DKK3: variants seen among roughly 807,000 people sequenced by gnomAD.
DKK3 encodes dickkopf-related protein 3.
In DKK3, 22 loss-of-function variants were observed where a neutral mutation model predicts 33.2. The observed-to-expected ratio is 0.66, with a 90% CI of 0.47 to 0.95. The LOEUF (loss-of-function observed/expected upper bound fraction) is 0.95. Ranked by LOEUF, DKK3 falls within the 40% of genes least tolerant of loss-of-function variation. The pLI, the probability that DKK3 is intolerant of heterozygous loss-of-function variation, is 0.00. For missense variants in DKK3, 398 were observed against 458.4 expected (o/e 0.87, Z 1.20); for synonymous variants, 194 against 188.8 (o/e 1.03, Z -0.23).
intron 4 of DKK3, 88 bp from the exon 5 acceptor site, chr11:11,967,186 C>A: frequency 6.8e-7 from 1 of 1,468,510 alleles, no homozygotes; most frequent in Non-Finnish European, 9.3e-7. Context: ...ACAGATAGGC[C>A]AACCTGCATC....
chr11:11,985,323 C>A (rs895187778), intron 3 of DKK3, among the ~76,000 whole-genome samples: 1 of 152,246 alleles, frequency 6.6e-6, no homozygotes, highest in Non-Finnish European at 1.5e-5. Context: ...AAATGACCCG[C>A]TCCCCCGACA....
intron 5 of DKK3, among the ~76,000 whole-genome samples, chr11:11,966,205 A>C (rs1847590613): frequency 6.6e-6 from 1 of 152,174 alleles, no homozygotes; most frequent in Non-Finnish European, 1.5e-5. Flanking sequence ...CTGGATTTTG[A>C]GGGCCAGAAA....
At chr11:11,999,178 T>C (rs1167817504) in intron 2 of DKK3, among the ~76,000 whole-genome samples, 2 of 152,186 alleles carry the variant, frequency 1.3e-5, no homozygotes, top group East Asian at 3.9e-4. Flanking sequence ...TGAACATCTT[T>C]CATGAAAAGC....
At chr11:12,009,250 G>A, upstream of DKK3, 2 of 984,840 alleles carry the variant, frequency 2.0e-6, no homozygotes, top group Non-Finnish European at 2.4e-6. Flanking sequence ...TGCGGGTGCA[G>A]ATGCGGGAGC....
intron 3 of DKK3, among the ~76,000 whole-genome samples, chr11:11,993,283 A>AT (rs1848223706): frequency 6.6e-6 from 1 of 152,120 alleles, no homozygotes; most frequent in South Asian, 2.1e-4. Flanking sequence ...TCTTACCAGG[A>AT]TTTTTTATGC....
chr11:11,981,374 A>C (rs1847951199), intron 3 of DKK3, among the ~76,000 whole-genome samples: 1 of 152,218 alleles, frequency 6.6e-6, no homozygotes, highest in African/African-American at 2.4e-5. Context: ...CCTGGCTTCA[A>C]GTCAGAGGTC....
chr11:11,964,201 A>T lies in DKK3; in HGVS notation c.*263T>A. On this transcript the variant is annotated 3_prime_UTR_variant, in exon 7 of 7. Coordinates refer to ENST00000683431, the MANE Select transcript of DKK3 (RefSeq NM_001018057.2). ...GCTGTCTGCCAACTGGTAGAGGCAA[A>T]GCAGCCAATAATCTGGACAGGGGTG... 1 of 489,018 alleles carries T rather than the reference A, an allele frequency of 2.0e-6. No homozygotes were observed. Among genetic ancestry groups the T allele is most frequent in the Non-Finnish European group, 3.6e-6 (1 of 274,840 alleles). The allele number at this position is 489,018 out of a possible 1,614,324, so 30.3% of individuals were successfully genotyped here. A position where few individuals can be genotyped will look rare whatever the true frequency, so the allele number is the denominator to read the frequency against.
rs182824873 is a variant in DKK3, at chr11:11,997,457, A to T, written c.435+1239T>A. Among the ~76,000 whole-genome samples the T allele has an allele frequency of 3.1e-3, 465 of 152,204 alleles. 2 individuals are homozygous for T. Among genetic ancestry groups the T allele is most frequent in the Non-Finnish European group, 5.0e-3 (340 of 68,004 alleles). ...TTCTTCTGTCTCTTCCCACCTTTGG[A>T]AGCTGGCCTCTCTTCCATCCCTGCC... is the stretch of plus-strand genomic sequence containing the variant. On this transcript the variant is annotated intron_variant, in intron 3 of 6. Coordinates refer to ENST00000683431, the MANE Select transcript of DKK3 (RefSeq NM_001018057.2).
intron 3 of DKK3, among the ~76,000 whole-genome samples, chr11:11,970,943 A>C (rs1357618634): frequency 6.6e-6 from 1 of 152,234 alleles, no homozygotes; most frequent in East Asian, 1.9e-4. Flanking sequence ...AATTTGTTAC[A>C]GCATCAATAG....
chr11:11,979,308 C>T (rs1338652433), intron 3 of DKK3, among the ~76,000 whole-genome samples: 1 of 152,222 alleles, frequency 6.6e-6, no homozygotes, highest in Non-Finnish European at 1.5e-5. Flanking sequence ...TTCAGCTGCT[C>T]CAAACTCCAG....
At chr11:11,968,594 A>T in intron 3 of DKK3, 107 bp from the exon 4 acceptor site, 1 of 1,078,636 alleles carries the variant, frequency 9.3e-7, no homozygotes, top group South Asian at 1.6e-5. Flanking sequence ...TTGACCCCAC[A>T]GGCTCAGCAG....
At chr11:11,995,874 T>C (rs980687817) in intron 3 of DKK3, among the ~76,000 whole-genome samples, 6 of 152,232 alleles carry the variant, frequency 3.9e-5, no homozygotes, top group Non-Finnish European at 7.3e-5. Context: ...CCTTTTCCCC[T>C]TTCACATTTG....
In DKK3 at chr11:11,993,996, G is replaced by GAAC. The variant is rs749571780; in HGVS notation, c.435+4697_435+4699dup. 2.1e-3 allele frequency among the ~76,000 whole-genome samples: 327 copies of GAAC among 152,218 alleles called. 1 individual carries two copies. Among genetic ancestry groups the GAAC allele is most frequent in the Non-Finnish European group, 3.6e-3 (248 of 68,026 alleles). On this transcript the variant is annotated intron_variant, in intron 3 of 6. Transcript: ENST00000683431. ...AGACATATAGGACAGGCACGGTTAG[G>GAAC]AACAACAGCGGGATGAGTCAGCCTT... is the stretch of plus-strand genomic sequence containing the variant.
At chr11:11,994,100 G>A (rs954151960) in intron 3 of DKK3, among the ~76,000 whole-genome samples, 4 of 152,158 alleles carry the variant, frequency 2.6e-5, no homozygotes, top group African/African-American at 4.8e-5. Flanking sequence ...AAAGCAGCCC[G>A]AGGCTACAAA....
At position 11,997,723 on chromosome 11, in the gene DKK3, A is replaced by T. The variant is rs556560173; in HGVS notation, c.435+973T>A. Among the ~76,000 whole-genome samples, 7 of 152,198 alleles carry T rather than the reference A, an allele frequency of 4.6e-5. No homozygotes were observed. The East Asian group carries it at 1.4e-3, about 29-fold the overall frequency. On this transcript the variant is annotated intron_variant, in intron 3 of 6. Coordinates refer to ENST00000683431, the MANE Select transcript of DKK3 (RefSeq NM_001018057.2). The stretch of plus-strand genomic sequence containing the variant: ...ATTGCACACAGCCAACTGGACCCCC[A>T]GCCTGCTGTAAAAGTCGGCCAGCTC...
At chr11:11,964,999 A>G (rs1847553084) in intron 6 of DKK3, among the ~76,000 whole-genome samples, 1 of 152,154 alleles carries the variant, frequency 6.6e-6, no homozygotes, top group Admixed American at 6.5e-5. Context: ...CAGCCCCTCA[A>G]AGACTGTGGC....
intron 3 of DKK3, chr11:11,998,274 T>C (rs1008868502): frequency 3.6e-5 from 9 of 253,312 alleles, no homozygotes; most frequent in African/African-American, 1.6e-4. Flanking sequence ...CTTTAGGCCA[T>C]TGGGCTCCAC....
chr11:11,983,820 C>T (rs1848007460), intron 3 of DKK3, among the ~76,000 whole-genome samples: 2 of 152,246 alleles, frequency 1.3e-5, no homozygotes, highest in Admixed American at 6.5e-5. Context: ...CAGACCAACC[C>T]CCGACCCAAT....
At chr11:12,003,240 G>A (rs983308616) in intron 1 of DKK3, among the ~76,000 whole-genome samples, 10 of 152,152 alleles carry the variant, frequency 6.6e-5, no homozygotes, top group Non-Finnish European at 1.2e-4. Flanking sequence ...GCAGGGGATG[G>A]AGGGAACCTA....
Sources: allele counts gnomAD v4.1 joint callset (sites outside exome capture counted in the v4.1 genomes callset), GRCh38; gene constraint gnomAD v4.1.1; transcripts MANE v1.5; gene names NCBI Gene and HGNC (gene_info 2026-07-23, HGNC 2026-07-21).